The following TUSC3 variants were observed in gnomAD, a reference collection of about 807,000 sequenced individuals.
TUSC3 encodes tumor suppressor candidate 3.
TUSC3 carries 45 observed loss-of-function variants against 44.8 expected under a neutral mutation model. That is an observed-to-expected ratio of 1.00 (90% confidence interval 0.79 to 1.29). The LOEUF (loss-of-function observed/expected upper bound fraction) is 1.29. Among genes scored for constraint, TUSC3 ranks in the 50% most tolerant of loss-of-function variants. The pLI is 0.00. For missense variants in TUSC3, 519 were observed against 437.9 expected, an observed-to-expected ratio of 1.19 and a Z score of -1.65; for synonymous variants, 212 against 152.9, an observed-to-expected ratio of 1.39 and a Z score of -2.85.
chr8:15,797,933 G>C, the TUSC3 span, among the ~76,000 whole-genome samples: 7 of 152,104 alleles, frequency 4.6e-5, no homozygotes, highest in Non-Finnish European at 1.0e-4. Context: ...ACTATATAAG[G>C]CTGTTGTATT....
chr8:15,505,015 C>T (rs536117935), intron 2 of TUSC3, among the ~76,000 whole-genome samples: 1 of 152,004 alleles, frequency 6.6e-6, no homozygotes, highest in Non-Finnish European at 1.5e-5. Context: ...GTATCAACAT[C>T]TATTAAACAT....
intron 6 of TUSC3, chr8:15,689,056 C>A: frequency 3.0e-6 from 1 of 331,434 alleles, no homozygotes; most frequent in South Asian, 2.7e-5. Flanking sequence ...TCGTCAATGT[C>A]ATTTACAAAA....
chr8:15,653,447 T>G (rs1009927271), intron 3 of TUSC3, among the ~76,000 whole-genome samples: 8 of 152,366 alleles, frequency 5.3e-5, no homozygotes, highest in African/African-American at 1.9e-4. Context: ...TATAATCATA[T>G]AAATAAATGG....
intron 1 of TUSC3, among the ~76,000 whole-genome samples, chr8:15,554,744 AG>A (rs1585095813): frequency 6.7e-6 from 1 of 150,016 alleles, no homozygotes; most frequent in East Asian, 2.0e-4. Flanking sequence ...CTGGGACCAC[AG>A]GCGCCCTCAC....
the TUSC3 span, among the ~76,000 whole-genome samples, chr8:15,840,147 T>C: frequency 6.6e-6 from 1 of 151,998 alleles, no homozygotes; most frequent in Admixed American, 6.6e-5. Context: ...AAACACCGCA[T>C]ACTCTCACTC....
intron 1 of TUSC3, among the ~76,000 whole-genome samples, chr8:15,440,001 G>T (rs1180789712): frequency 1.3e-5 from 2 of 152,098 alleles, no homozygotes; most frequent in African/African-American, 2.4e-5. Context: ...CCAGGCACAG[G>T]GATAAGTAAA....
At chr8:15,608,441 T>C (rs1804623589) in intron 1 of TUSC3, among the ~76,000 whole-genome samples, 1 of 152,160 alleles carries the variant, frequency 6.6e-6, no homozygotes. Context: ...TAGAATCTTA[T>C]CTCTAATATT....
chr8:15,729,068 G>A lies in TUSC3; in HGVS notation c.799-1598G>A, dbSNP rs182154594. 4.0e-3 allele frequency among the ~76,000 whole-genome samples: 603 copies of A among 152,212 alleles called. 2 individuals are homozygous for A. Among genetic ancestry groups the A allele is most frequent in the Non-Finnish European group, 6.5e-3 (441 of 68,006 alleles). On this transcript the variant is annotated intron_variant, in intron 6 of 10. Transcript: ENST00000503731. ...ATACTGTTACTGAAAATAAACAGAA[G>A]AGATTATAAATCACTCACCTAGAAG...
chr8:15,466,294 C>T (rs552393762), intron 1 of TUSC3, among the ~76,000 whole-genome samples: 17 of 152,244 alleles, frequency 1.1e-4, no homozygotes, highest in Non-Finnish European at 2.1e-4. Context: ...GGAAAATTAC[C>T]TTGTGAATTT....
chr8:15,664,734 T>TA (rs1349386818), intron 5 of TUSC3, among the ~76,000 whole-genome samples: 1 of 149,672 alleles, frequency 6.7e-6, no homozygotes. Context: ...CAGAGATACT[T>TA]ATGTTTGATG....
At chr8:15,470,694 A>G (rs2129122968) in intron 1 of TUSC3, among the ~76,000 whole-genome samples, 1 of 152,226 alleles carries the variant, frequency 6.6e-6, no homozygotes, top group Non-Finnish European at 1.5e-5. Flanking sequence ...GATGAGAAAA[A>G]CAATCCCTTC....
chr8:15,512,896 C>G (rs1235581620), intron 2 of TUSC3, among the ~76,000 whole-genome samples: 2 of 102,900 alleles, frequency 1.9e-5, no homozygotes, highest in Admixed American at 1.1e-4. Context: ...ACACACAATT[C>G]TCTCGGTGTA....
intron 1 of TUSC3, among the ~76,000 whole-genome samples, chr8:15,429,982 A>T (rs1018674420): frequency 5.3e-5 from 8 of 151,644 alleles, no homozygotes; most frequent in African/African-American, 1.7e-4. Context: ...AATTGAGGCA[A>T]TAATAGCCCA....
chr8:15,470,130 C>T (rs528808012), intron 1 of TUSC3, among the ~76,000 whole-genome samples: 1 of 151,772 alleles, frequency 6.6e-6, no homozygotes, highest in Non-Finnish European at 1.5e-5. Context: ...AAAAATTAGC[C>T]TAGGCATGGT....
intron 5 of TUSC3, among the ~76,000 whole-genome samples, chr8:15,667,386 A>G (rs144556200): frequency 1.1e-4 from 17 of 151,820 alleles, no homozygotes; most frequent in African/African-American, 3.9e-4. Context: ...ACAATAAATA[A>G]TTCACTTGTG....
At chr8:15,833,130 A>G in the TUSC3 span, among the ~76,000 whole-genome samples, 2 of 152,230 alleles carry the variant, frequency 1.3e-5, no homozygotes, top group African/African-American at 4.8e-5. Flanking sequence ...ACTGATCATT[A>G]GAAAAATGCA....
intron 2 of TUSC3, among the ~76,000 whole-genome samples, chr8:15,488,774 A>G (rs1800768191): frequency 6.6e-6 from 1 of 152,220 alleles, no homozygotes; most frequent in Non-Finnish European, 1.5e-5. Flanking sequence ...GGTCCTTACC[A>G]GACACCAAAT....
chr8:15,553,326 C>T (rs962816562), intron 1 of TUSC3, among the ~76,000 whole-genome samples: 2 of 151,610 alleles, frequency 1.3e-5, no homozygotes, highest in African/African-American at 4.8e-5. Flanking sequence ...TGTTGCAAAC[C>T]CCTCAAAGAT....
intron 1 of TUSC3, among the ~76,000 whole-genome samples, chr8:15,613,381 T>TC (rs1267983757): frequency 1.3e-5 from 2 of 152,168 alleles, no homozygotes. Flanking sequence ...TGTTGTTAGA[T>TC]CATGACCTGA....
Sources: gnomAD v4.1 joint callset for allele counts (sites outside exome capture counted in the v4.1 genomes callset) on GRCh38, gnomAD v4.1.1 for gene constraint, MANE v1.5 for transcripts, NCBI Gene and HGNC (gene_info 2026-07-23, HGNC 2026-07-21) for gene names.